Variants in STIL observed in about 807,000 individuals in gnomAD.
The protein encoded by STIL is STIL centriolar assembly protein.
A neutral mutation model predicts 110.1 loss-of-function variants in STIL; 55 were observed. The observed-to-expected ratio is 0.50, with a 90% CI of 0.40 to 0.63. The LOEUF is 0.63. STIL is among the 20% of genes least tolerant of loss of function. The probability of loss-of-function intolerance (pLI) is 0.00; values close to 1 mark genes in which losing one functional copy is unlikely to be tolerated. For missense variants in STIL, 1,358 were observed against 1,530.0 expected (o/e 0.89, Z 1.87); for synonymous variants, 481 against 530.0 (o/e 0.91, Z 1.27).
chr1:47,303,223 T>C (rs1349681634), intron 3 of STIL, among the ~76,000 whole-genome samples: 2 of 152,208 alleles, frequency 1.3e-5, no homozygotes, highest in African/African-American at 4.8e-5. Context: ...TATGCATATA[T>C]ACTATAAGTA....
At chr1:47,309,330 C>G (rs1646056311) in intron 2 of STIL, among the ~76,000 whole-genome samples, 1 of 151,936 alleles carries the variant, frequency 6.6e-6, no homozygotes, top group Non-Finnish European at 1.5e-5. Context: ...TGGGGTTTCC[C>G]CATGTTGCCC....
At chr1:47,282,196 C>T (rs1430147734) in intron 11 of STIL, 149 bp downstream of exon 11, 3 of 593,742 alleles carry the variant, frequency 5.1e-6, no homozygotes, top group Non-Finnish European at 8.9e-6. Context: ...ACTTATATCT[C>T]TATATATAGA....
At chr1:47,264,777 G>T (rs1644586966) in intron 14 of STIL, among the ~76,000 whole-genome samples, 2 of 151,548 alleles carry the variant, frequency 1.3e-5, no homozygotes, top group South Asian at 4.1e-4. Flanking sequence ...CAACACTGGA[G>T]AAAGTATTTA....
chr1:47,251,259 C>T lies in STIL; in HGVS notation c.3744G>A (p.Gly1248=), dbSNP rs1644174499. The T allele has an allele frequency of 6.2e-7, 1 of 1,612,052 alleles. No homozygotes were observed. The highest frequency in any genetic ancestry group is 8.5e-7 in the Non-Finnish European group (1 of 1,178,636). Residue 1248 remains glycine, a synonymous_variant, in exon 17 of 17, where the codon GGG becomes GGA. Transcript: ENST00000371877. ...FTQHPEKENE[G]DITIFPESLQ... ...AACTTTCAGGAAAAATTGTAATGTC[C>T]CCTTCATTTTCTTTCTCAGGATGTT...
chr1:47,313,765 C>T (rs1646209009), intron 1 of STIL, among the ~76,000 whole-genome samples: 1 of 152,220 alleles, frequency 6.6e-6, no homozygotes, highest in African/African-American at 2.4e-5. Flanking sequence ...AGCGAGCATT[C>T]AAGGTTTCAG....
chr1:47,302,322 C>A lies in STIL; in HGVS notation c.177G>T (p.Glu59Asp). The change falls in exon 4 of 17, where the codon GAG (glutamate) becomes GAT (aspartate). Residue 59 changes from glutamate (E) to aspartate (D), a missense_variant. Transcript: ENST00000371877. ...YYRNPKLVVT[E>D]KTIRLAYRHA... ...GACGATAAGCAAGTCGGATGGTCTTCTCAGTCACCACAAGCTTTGGATTTC... is the reference window on the plus strand; with the variant it reads ...GACGATAAGCAAGTCGGATGGTCTTATCAGTCACCACAAGCTTTGGATTTC... 12 of 1,614,032 alleles carry A rather than the reference C, an allele frequency of 7.4e-6. No individual in the cohort carries two copies. Among genetic ancestry groups the A allele is most frequent in the Non-Finnish European group, 1.0e-5 (12 of 1,179,966 alleles).
chr1:47,270,255 T>TAC (rs56253074), intron 13 of STIL, among the ~76,000 whole-genome samples: 2,434 of 119,344 alleles, frequency 0.02, 41 homozygotes, highest in African/African-American at 0.035. Context: ...TATATATATA[T>TAC]ACACACACAC....
chr1:47,306,356 T>C (rs555434037), intron 2 of STIL, among the ~76,000 whole-genome samples: 5 of 150,414 alleles, frequency 3.3e-5, no homozygotes, highest in African/African-American at 1.2e-4. Flanking sequence ...AGCCTTAAAC[T>C]CCTGGGCTCA....
In STIL at chr1:47,260,530, T is replaced by C; in HGVS notation, c.2839A>G (p.Asn947Asp). 1 of 1,614,174 alleles carries C rather than the reference T, an allele frequency of 6.2e-7. No individual in the cohort carries two copies. Among genetic ancestry groups the C allele is most frequent in the Non-Finnish European group, 8.5e-7 (1 of 1,180,022 alleles). Residue 947 changes from asparagine (N) to aspartate (D), a missense_variant, in exon 16 of 17, where the codon AAC becomes GAC. By Grantham distance (23) the Asn-to-Asp change is conservative. Transcript: ENST00000371877. ...KIYQDLLGQV[N>D]HLLNSSSKET... The stretch of plus-strand genomic sequence containing the variant: ...TTGGAGGAACTATTTAATAGGTGGT[T>C]TACTTGACCCTGACAAAAAGAAAAA...
intron 16 of STIL, among the ~76,000 whole-genome samples, chr1:47,256,850 C>A (rs376394972): frequency 6.6e-6 from 1 of 151,622 alleles, no homozygotes; most frequent in African/African-American, 2.4e-5. Flanking sequence ...CAAAATTAGC[C>A]GGGCATGGTG....
intron 15 of STIL, among the ~76,000 whole-genome samples, 163 bp downstream of exon 15, chr1:47,262,738 TAA>T (rs1305014349): frequency 6.6e-6 from 1 of 152,228 alleles, no homozygotes; most frequent in Admixed American, 6.5e-5. Flanking sequence ...TTAGTGAATT[TAA>T]GTTATAATTT....
intron 16 of STIL, among the ~76,000 whole-genome samples, chr1:47,254,682 C>T (rs1644280519): frequency 1.3e-5 from 2 of 152,014 alleles, no homozygotes; most frequent in Admixed American, 1.3e-4. Flanking sequence ...AGGTGCATGC[C>T]ACCATGCCCA....
Position 47,289,073 on chromosome 1 carries a change from A to AC in STIL, c.1023+361_1023+362insG, listed in dbSNP as rs199924215. 8.0e-4 allele frequency among the ~76,000 whole-genome samples: 117 copies of AC among 146,796 alleles called. 3 individuals are homozygous for AC. The highest frequency in any genetic ancestry group is 4.7e-3 in the East Asian group (23 of 4,892). ...TGAGATTCCATCTCAAAAAAAAAAA[A>AC]AAAAAAAAAAAAACATCAGGACAAA... On this transcript the variant is annotated intron_variant, in intron 9 of 16. Transcript: ENST00000371877.
intron 12 of STIL, among the ~76,000 whole-genome samples, chr1:47,273,111 A>G (rs1274764478): frequency 6.6e-6 from 1 of 152,222 alleles, no homozygotes; most frequent in African/African-American, 2.4e-5. Context: ...CGGCAAGGAA[A>G]AAGTTAAGTT....
intron 1 of STIL, among the ~76,000 whole-genome samples, chr1:47,313,538 C>T (rs1191090906): frequency 1.3e-5 from 2 of 152,186 alleles, no homozygotes; most frequent in East Asian, 3.9e-4. Context: ...CCCTAGTAAA[C>T]CCCCGCCATC....
chr1:47,290,327 C>T (rs1163928832), intron 8 of STIL, among the ~76,000 whole-genome samples: 2 of 152,064 alleles, frequency 1.3e-5, no homozygotes, highest in South Asian at 2.1e-4. Flanking sequence ...GGGGGAAAAC[C>T]GTTACTATAT....
At chr1:47,305,995 T>C (rs796590736) in intron 2 of STIL, among the ~76,000 whole-genome samples, 14 of 152,042 alleles carry the variant, frequency 9.2e-5, no homozygotes, top group African/African-American at 3.1e-4. Context: ...CCTCCCAAAG[T>C]GCTGGGATTA....
At chr1:47,262,785 A>T (rs1392060564) in intron 15 of STIL, 118 bp downstream of exon 15, 1 of 886,748 alleles carries the variant, frequency 1.1e-6, no homozygotes, top group Non-Finnish European at 1.8e-6. Context: ...ATTGTTAATT[A>T]GACAAAAAAT....
intron 12 of STIL, 115 bp from the exon 13 acceptor site, chr1:47,272,356 A>G: frequency 9.5e-7 from 1 of 1,050,062 alleles, no homozygotes; most frequent in South Asian, 1.4e-5. Flanking sequence ...TTTTAAGTCT[A>G]TTTTCTCAAA....
Sources: gnomAD v4.1 joint callset for allele counts (sites outside exome capture counted in the v4.1 genomes callset) on GRCh38, gnomAD v4.1.1 for gene constraint, MANE v1.5 for transcripts, NCBI Gene and HGNC (gene_info 2026-07-23, HGNC 2026-07-21) for gene names.